DOK5: variants seen among roughly 807,000 people sequenced by gnomAD.
DOK5 encodes docking protein 5.
A neutral mutation model predicts 43.3 loss-of-function variants in DOK5; 27 were observed. The observed-to-expected ratio is 0.62, with a 90% CI of 0.46 to 0.86. The LOEUF is 0.86. Ranked by LOEUF, DOK5 falls within the 40% of genes least tolerant of loss-of-function variation. The pLI is 0.00. For missense variants in DOK5, 373 were observed against 392.9 expected (o/e 0.95, Z 0.43); for synonymous variants, 146 against 140.1 (o/e 1.04, Z -0.30).
At chr20:54,568,605 T>A (rs1298749720) in intron 2 of DOK5, among the ~76,000 whole-genome samples, 1 of 152,184 alleles carries the variant, frequency 6.6e-6, no homozygotes, top group African/African-American at 2.4e-5. Flanking sequence ...ATTTTTTAAG[T>A]TATTAAAAAA....
intron 6 of DOK5, among the ~76,000 whole-genome samples, chr20:54,634,299 T>C (rs76558591): frequency 0.042 from 5,259 of 125,432 alleles, 178 homozygotes; most frequent in African/African-American, 0.1. Flanking sequence ...GTGCTGTTAA[T>C]GACAATAATG....
At chr20:54,493,231 TCTGAAATGTACTCAGGACA>T (rs1180023259) in intron 1 of DOK5, among the ~76,000 whole-genome samples, 2 of 152,144 alleles carry the variant, frequency 1.3e-5, no homozygotes, top group African/African-American at 4.8e-5. Flanking sequence ...CATGAATATC[TCTGAAATGTACTCAGGACA>T]CTGTGTGACC....
chr20:54,588,385 G>A, intron 2 of DOK5, 98 bp from the exon 3 acceptor site: 1 of 922,056 alleles, frequency 1.1e-6, no homozygotes, highest in East Asian at 2.4e-5. Flanking sequence ...GTGCTCAGCT[G>A]TGCTGTGCCA....
At chr20:54,540,535 AT>A (rs1276547309) in intron 1 of DOK5, among the ~76,000 whole-genome samples, 35 of 152,220 alleles carry the variant, frequency 2.3e-4, no homozygotes, top group African/African-American at 7.7e-4. Flanking sequence ...TTATTTGTTT[AT>A]TGAGACAGGG....
intron 1 of DOK5, among the ~76,000 whole-genome samples, chr20:54,487,604 T>C (rs1035631874): frequency 6.6e-6 from 1 of 152,178 alleles, no homozygotes; most frequent in African/African-American, 2.4e-5. Context: ...ACCAGTGTAC[T>C]TATTTTTTAA....
intron 1 of DOK5, among the ~76,000 whole-genome samples, chr20:54,484,437 A>G (rs949070010): frequency 2.6e-5 from 4 of 152,098 alleles, no homozygotes; most frequent in Non-Finnish European, 2.9e-5. Context: ...TTATTTTTAG[A>G]TAATTGTTAT....
chr20:54,634,113 G>A (rs973658018), intron 6 of DOK5, among the ~76,000 whole-genome samples: 6 of 152,286 alleles, frequency 3.9e-5, no homozygotes, highest in African/African-American at 1.4e-4. Context: ...TGGCAGGTAT[G>A]GCAGACAGTT....
chr20:54,650,474 C>G lies in DOK5; in HGVS notation c.916C>G (p.His306Asp). 6.2e-7 allele frequency: 1 copy of G among 1,613,924 alleles called. No individual in the cohort carries two copies. Among genetic ancestry groups the G allele is most frequent in the East Asian group, 2.2e-5 (1 of 44,860 alleles). Residue 306 changes from histidine (H) to aspartate (D), a missense_variant, in exon 8 of 8, where the codon CAC becomes GAC. Transcript: ENST00000262593. ...GACTTTTCCAGCCTACAGATCTGAG[C>G]ACTGACAGTAACTGCCAAGAATTGT... Reference protein sequence around the residue: ...TETFPAYRSEH With the variant: ...TETFPAYRSED
At chr20:54,528,062 G>A (rs142626918) in intron 1 of DOK5, among the ~76,000 whole-genome samples, 54 of 152,214 alleles carry the variant, frequency 3.5e-4, no homozygotes, top group African/African-American at 1.3e-3. Flanking sequence ...CAAAAAGTTA[G>A]TTGGGCGTGA....
intron 6 of DOK5, among the ~76,000 whole-genome samples, chr20:54,616,784 C>CTTTTTT (rs550110589): frequency 2.8e-5 from 3 of 105,756 alleles, no homozygotes; most frequent in African/African-American, 3.9e-5. Flanking sequence ...TTTTTTTTTT[C>CTTTTTT]TTTTTTTTTT....
rs372342457 is a variant in DOK5, at chr20:54,549,122, A to G, written c.67-5811A>G. ...GTCGGCAGCCCCAAGAGGGAGACAC[A>G]GCGTCGTCTGAAAGTACTTTATAAA... On this transcript the variant is annotated intron_variant, in intron 1 of 7. Coordinates refer to ENST00000262593, the MANE Select transcript of DOK5 (RefSeq NM_018431.5). Among the ~76,000 whole-genome samples, 40 of 152,352 alleles carry G rather than the reference A, an allele frequency of 2.6e-4. 2 individuals carry two copies. The highest frequency in any genetic ancestry group is 2.3e-3 in the East Asian group (12 of 5,188).
At chr20:54,572,317 C>G (rs570263513) in intron 2 of DOK5, among the ~76,000 whole-genome samples, 1 of 152,074 alleles carries the variant, frequency 6.6e-6, no homozygotes, top group Non-Finnish European at 1.5e-5. Context: ...CTCGCCACCA[C>G]GCCCGGCTAA....
chr20:54,561,813 A>C (rs1157949900), intron 2 of DOK5, among the ~76,000 whole-genome samples: 1 of 152,118 alleles, frequency 6.6e-6, no homozygotes, highest in Non-Finnish European at 1.5e-5. Flanking sequence ...TGCGCCACCA[A>C]GTCCGGCTAA....
rs58563329 is a variant in DOK5, at chr20:54,481,131, CATCTATCTATCT to C, written c.66+5158_66+5169del. Among the ~76,000 whole-genome samples, 790 of 139,578 alleles carry C rather than the reference CATCTATCTATCT, an allele frequency of 5.7e-3. 13 individuals carry two copies. The East Asian group carries it at 0.067, about 12-fold the overall frequency. The allele number at this position is 139,578 out of a possible 152,430, so 91.6% of individuals were successfully genotyped here. On this transcript the variant is annotated intron_variant, in intron 1 of 7. Coordinates refer to ENST00000262593, the MANE Select transcript of DOK5 (RefSeq NM_018431.5). ...ATCTATCTATCTATCATGTATCTAT[CATCTATCTATCT>C]ATCTATCTATCTATCTATCTATCTA... is the stretch of plus-strand genomic sequence containing the variant.
chr20:54,643,091 C>T (rs1164870170), intron 6 of DOK5, among the ~76,000 whole-genome samples: 5 of 152,216 alleles, frequency 3.3e-5, no homozygotes, highest in Admixed American at 3.3e-4. Flanking sequence ...CTGATTCTCT[C>T]TTCCACAAAA....
intron 1 of DOK5, among the ~76,000 whole-genome samples, chr20:54,541,111 C>T (rs553113355): frequency 3.9e-5 from 6 of 152,330 alleles, no homozygotes; most frequent in East Asian, 1.9e-4. Context: ...CTCCCACTTG[C>T]GTGAGCTAAA....
intron 6 of DOK5, among the ~76,000 whole-genome samples, chr20:54,630,464 A>G (rs534944943): frequency 6.6e-6 from 1 of 152,288 alleles, no homozygotes; most frequent in East Asian, 1.9e-4. Context: ...GGAGATGCCT[A>G]CCGGTCATCC....
At chr20:54,487,513 C>T (rs1011334681) in intron 1 of DOK5, among the ~76,000 whole-genome samples, 5 of 152,064 alleles carry the variant, frequency 3.3e-5, no homozygotes, top group Non-Finnish European at 5.9e-5. Flanking sequence ...CATGCAGTGA[C>T]AAAAATTTTG....
chr20:54,535,108 G>A (rs1214185042), intron 1 of DOK5, among the ~76,000 whole-genome samples: 2 of 152,090 alleles, frequency 1.3e-5, no homozygotes, highest in Non-Finnish European at 2.9e-5. Flanking sequence ...CTGGGATTAA[G>A]GTGTGAGCCA....
Sources: gnomAD v4.1 joint callset for allele counts (sites outside exome capture counted in the v4.1 genomes callset) on GRCh38, gnomAD v4.1.1 for gene constraint, MANE v1.5 for transcripts, NCBI Gene and HGNC (gene_info 2026-07-23, HGNC 2026-07-21) for gene names.